Variants in DHRS1 observed in about 807,000 individuals in gnomAD.
DHRS1 encodes the protein dehydrogenase/reductase SDR family member 1.
A neutral mutation model predicts 35.2 loss-of-function variants in DHRS1; 34 were observed. The observed-to-expected ratio is 0.97, with a 90% CI of 0.74 to 1.29. DHRS1 has a LOEUF of 1.29. Among genes scored for constraint, DHRS1 ranks in the 50% most tolerant of loss-of-function variants. The pLI is 0.00. For missense variants in DHRS1, 354 were observed against 403.6 expected (o/e 0.88, Z 1.05); for synonymous variants, 133 against 160.0 (o/e 0.83, Z 1.27).
chr14:24,290,695 G>T lies in DHRS1; in HGVS notation c.*164C>A. 1 of 746,868 alleles carries T rather than the reference G, an allele frequency of 1.3e-6. No homozygotes were observed. Among genetic ancestry groups the T allele is most frequent in the Non-Finnish European group, 2.2e-6 (1 of 464,882 alleles). 46.3% of individuals were successfully genotyped at this position (746,868 alleles called of 1,614,324 possible). On this transcript the variant is annotated 3_prime_UTR_variant, in exon 9 of 9. Coordinates refer to ENST00000288111, the MANE Select transcript of DHRS1 (RefSeq NM_001136050.3). ...ACAAGGAAAACCAAGGCACAAAGAA[G>T]GGACCTAGGCGCACCCCAGAACTCA...
At position 24,292,800 on chromosome 14, in the gene DHRS1, A is replaced by G. The variant is rs533071540; in HGVS notation, c.375-16T>C. The stretch of plus-strand genomic sequence containing the variant: ...GTAGTGGCCTCTAGAAGGTGGGGCA[A>G]GGGAAGAAGGAATGAACCGTGTTAG... On this transcript the variant is annotated splice_polypyrimidine_tract_variant and intron_variant, in intron 4 of 8. Transcript: ENST00000288111. 23 of 1,607,502 alleles carry G rather than the reference A, an allele frequency of 1.4e-5. No homozygotes were observed. The African/African-American group carries it at 2.5e-4, about 18-fold the overall frequency.
rs771914758 is a variant in DHRS1 at position 24,291,211 on chromosome 14, T to TA, written c.732dup (p.Ile245TyrfsTer7). On this transcript the variant is annotated frameshift_variant, in exon 8 of 9. Transcript: ENST00000288111. LOFTEE classifies it high-confidence loss of function. ...AGCACCTTACCACTCAGGCTCAGGA[T>TA]ATTGGGATCTGCGGGCACACAGACA... is the stretch of plus-strand genomic sequence containing the variant. 1.2e-6 allele frequency: 2 copies of TA among 1,613,874 alleles called. No homozygotes were observed. Among genetic ancestry groups the TA allele is most frequent in the South Asian group, 2.2e-5 (2 of 91,072 alleles).
At chr14:24,296,105 C>T (rs1383973376) in intron 4 of DHRS1, among the ~76,000 whole-genome samples, 1 of 152,196 alleles carries the variant, frequency 6.6e-6, no homozygotes, top group East Asian at 1.9e-4. Flanking sequence ...GATGTGGAGA[C>T]TAAACAGCAT....
Position 24,292,713 on chromosome 14 carries a change from A to G in DHRS1, c.446T>C (p.Ile149Thr). ...VPAGQGLIVV[I>T]SSPGSLQYMF... ...ATACTGCAGGCTTCCTGGGGAGGAG[A>G]TGACCACGATGAGCCCCTGGCCAGC... The change falls in exon 5 of 9, where the codon ATC becomes ACC. Residue 149 changes from isoleucine to threonine, a missense_variant. Physicochemically the swap from Ile to Thr is moderately conservative, Grantham distance 89. Transcript: ENST00000288111. 6.2e-7 allele frequency: 1 copy of G among 1,614,136 alleles called. No homozygotes were observed. The highest frequency in any genetic ancestry group is 8.5e-7 in the Non-Finnish European group (1 of 1,180,014).
intron 2 of DHRS1, among the ~76,000 whole-genome samples, 200 bp from the exon 3 acceptor site, chr14:24,297,081 G>C (rs1460101649): frequency 3.9e-5 from 6 of 152,236 alleles, no homozygotes; most frequent in Non-Finnish European, 8.8e-5. Flanking sequence ...CCACCACAGA[G>C]CAAGGTGAAT....
In DHRS1 at chr14:24,291,626, C is replaced by T. The variant is rs776589132; in HGVS notation, c.655-1G>A. On this transcript the variant is annotated splice_acceptor_variant, in intron 6 of 8. Transcript: ENST00000288111. LOFTEE classifies it high-confidence loss of function. ...CCGCAGATGAGAAGGCTGATTTGAA[C>T]TGAAACACAGGGGCAGAGAAGTGAA... is the stretch of plus-strand genomic sequence containing the variant. 3.1e-6 allele frequency: 5 copies of T among 1,614,158 alleles called. No homozygotes were observed. Among genetic ancestry groups the T allele is most frequent in the Admixed American group, 1.7e-5 (1 of 60,028 alleles).
At chr14:24,296,668 G>A in intron 3 of DHRS1, 70 bp downstream of exon 3, 1 of 1,613,558 alleles carries the variant, frequency 6.2e-7, no homozygotes, top group Non-Finnish European at 8.5e-7. Flanking sequence ...GACAATGAGT[G>A]GGGATGAAGA....
chr14:24,299,102 G>T lies in DHRS1; in HGVS notation c.5C>A (p.Ala2Glu). 6.2e-7 allele frequency: 1 copy of T among 1,612,046 alleles called. No homozygotes were observed. Among genetic ancestry groups the T allele is most frequent in the Non-Finnish European group, 8.5e-7 (1 of 1,178,478 alleles). Residue 2 changes from alanine (A) to glutamate (E), a missense_variant, in exon 2 of 9, where the codon GCA becomes GAA. Transcript: ENST00000288111. Reference sequence around the variant, plus strand: ...ACACACTTGGCCATTCATGGGAGCTGCCATGACTCACAGGCAAAGGAGGCA... The same window carrying T: ...ACACACTTGGCCATTCATGGGAGCTTCCATGACTCACAGGCAAAGGAGGCA... MAAPMNGQVCVV... is the reference protein window; with the variant it reads MEAPMNGQVCVV...
At chr14:24,297,099 T>A (rs1350672115) in intron 2 of DHRS1, among the ~76,000 whole-genome samples, 1 of 152,258 alleles carries the variant, frequency 6.6e-6, no homozygotes, top group African/African-American at 2.4e-5. Context: ...AATTGCAATG[T>A]AAGTTTTAAT....
At chr14:24,296,707 T>C (rs746343449) in intron 3 of DHRS1, 31 bp downstream of exon 3, 20 of 1,614,014 alleles carry the variant, frequency 1.2e-5, no homozygotes, top group Non-Finnish European at 1.6e-5. Flanking sequence ...AGGTCAGAAA[T>C]GTGGAGTTGG....
rs2139085277 is a variant in DHRS1, at chr14:24,291,222, G to A, written c.725-3C>T. Reference sequence around the variant, plus strand: ...ACTCAGGCTCAGGATATTGGGATCTGCGGGCACACAGACAGGTGGAGATGG... The same window carrying A: ...ACTCAGGCTCAGGATATTGGGATCTACGGGCACACAGACAGGTGGAGATGG... On this transcript the variant is annotated splice_region_variant and splice_polypyrimidine_tract_variant and intron_variant, in intron 7 of 8. Transcript: ENST00000288111. 2.5e-6 allele frequency: 4 copies of A among 1,614,140 alleles called. No homozygotes were observed. Among genetic ancestry groups the A allele is most frequent in the East Asian group, 2.2e-5 (1 of 44,878 alleles).
chr14:24,293,399 G>A (rs1202356684), intron 4 of DHRS1: 1 of 149,540 alleles, frequency 6.7e-6, no homozygotes, highest in Non-Finnish European at 1.5e-5. Flanking sequence ...CGTGGTGAAA[G>A]CCCATCTGTA....
At chr14:24,292,451 C>G (rs2041176932) in intron 5 of DHRS1, 121 bp from the exon 6 acceptor site, 11 of 1,490,996 alleles carry the variant, frequency 7.4e-6, no homozygotes, top group Non-Finnish European at 1.0e-5. Flanking sequence ...CCCAAGGTCT[C>G]AGCTGCCCAC....
At chr14:24,291,509 C>T (rs763958913) in intron 7 of DHRS1, 47 bp downstream of exon 7, 15 of 1,586,706 alleles carry the variant, frequency 9.5e-6, no homozygotes, top group Non-Finnish European at 1.2e-5. Context: ...TACCGCACTA[C>T]ACATCCTCCA....
At chr14:24,296,397 G>T in intron 4 of DHRS1, 112 bp downstream of exon 4, 1 of 1,029,534 alleles carries the variant, frequency 9.7e-7, no homozygotes, top group Non-Finnish European at 1.5e-6. Flanking sequence ...GAAGGGAGAA[G>T]AAAGAGATGG....
At chr14:24,299,544 T>G in intron 1 of DHRS1, 37 bp downstream of exon 1, 1 of 218,116 alleles carries the variant, frequency 4.6e-6, no homozygotes. Context: ...AGCCTGGAGA[T>G]CCTAAGCCCT....
rs1211577405 is a variant in DHRS1 at position 24,290,831 on chromosome 14, G to A, written c.*28C>T. On this transcript the variant is annotated 3_prime_UTR_variant, in exon 9 of 9. Coordinates refer to ENST00000288111, the MANE Select transcript of DHRS1 (RefSeq NM_001136050.3). ...CCACCAAGTCCAAATGAGAAGACAA[G>A]CAGAGACGTAGTGTCAGACCAGGAG... is the stretch of plus-strand genomic sequence containing the variant. 6.2e-7 allele frequency: 1 copy of A among 1,612,972 alleles called. No individual in the cohort carries two copies. The highest frequency in any genetic ancestry group is 2.2e-5 in the East Asian group (1 of 44,832).
intron 2 of DHRS1, chr14:24,298,738 C>T: frequency 5.5e-6 from 3 of 547,400 alleles, no homozygotes; most frequent in African/African-American, 1.9e-5. Context: ...TGCCACCATG[C>T]CTGGCTCAAA....
Position 24,298,999 on chromosome 14 carries a change from G to A in DHRS1, c.108C>T (p.Ile36=). The A allele has an allele frequency of 1.9e-6, 3 of 1,613,902 alleles. No individual in the cohort carries two copies. The highest frequency in any genetic ancestry group is 2.5e-6 in the Non-Finnish European group (3 of 1,179,774). Residue 36 remains isoleucine, a synonymous_variant, in exon 2 of 9, where the codon ATC becomes ATT. Transcript: ENST00000288111. ...QLCKAGATVY[I]TGRHLDTLRV... is the part of the protein sequence containing the mutation. ...GAAGGGTGTCCAGATGGCGGCCAGT[G>A]ATGTAAACTGTGGCGCCTGCTTTGC...
Sources: gnomAD v4.1 joint callset for allele counts (sites outside exome capture counted in the v4.1 genomes callset) on GRCh38, gnomAD v4.1.1 for gene constraint, MANE v1.5 for transcripts, NCBI Gene and HGNC (gene_info 2026-07-23, HGNC 2026-07-21) for gene names.